The following APOO variants were observed in gnomAD, a reference collection of about 807,000 sequenced individuals.
APOO encodes the protein apolipoprotein O, also known as MICOS complex subunit MIC26.
A neutral mutation model predicts 23.1 loss-of-function variants in APOO; 11 were observed. The observed-to-expected ratio is 0.48, with a 90% CI of 0.30 to 0.79. The LOEUF (loss-of-function observed/expected upper bound fraction) is 0.79. Ranked by LOEUF, APOO falls within the 30% of genes least tolerant of loss-of-function variation. The pLI, the probability that APOO is intolerant of heterozygous loss-of-function variation, is 0.07. For synonymous variants in APOO, 59 were observed against 54.8 expected, an observed-to-expected ratio of 1.08 and a Z score of -0.34; for missense variants, 160 against 142.7, an observed-to-expected ratio of 1.12 and a Z score of -0.62.
rs1215035022 is a variant in APOO at position 23,893,527 on chromosome X, T to G, written c.10-12575A>C. On this transcript the variant is annotated intron_variant, in intron 1 of 8. Coordinates refer to ENST00000379226, the MANE Select transcript of APOO (RefSeq NM_024122.5). ...AGAATACTCTCCTCCATAAGGAGCATTCAGGACAGTATCTACATTTTATAC... is the reference window on the plus strand; with the variant it reads ...AGAATACTCTCCTCCATAAGGAGCAGTCAGGACAGTATCTACATTTTATAC... 3.6e-5 allele frequency among the ~76,000 whole-genome samples: 4 copies of G among 111,823 alleles called. No individual in the cohort carries two copies. The East Asian group carries it at 1.1e-3, about 31-fold the overall frequency.
At chrX:23,868,132 T>C (rs1342409229) in intron 5 of APOO, among the ~76,000 whole-genome samples, 1 of 112,434 alleles carries the variant, frequency 8.9e-6, no homozygotes, top group East Asian at 2.8e-4. Flanking sequence ...AGTATAGTAA[T>C]ATTTTTAAGT....
At chrX:23,883,552 T>C (rs1181563747) in intron 1 of APOO, 2 of 111,376 alleles carry the variant, frequency 1.8e-5, no homozygotes, top group African/African-American at 6.5e-5. Flanking sequence ...CACCATTCAA[T>C]AAAACCTTGC....
In APOO at chrX:23,878,723, TTGCTA is replaced by T. The variant is rs1425780072; in HGVS notation, c.237+187_237+191del. Among the ~76,000 whole-genome samples, 703 of 100,939 alleles carry T rather than the reference TTGCTA, an allele frequency of 7.0e-3. 4 individuals carry two copies. The highest frequency in any genetic ancestry group is 0.022 in the African/African-American group (596 of 27,450). The allele number at this position is 100,939 out of a possible 115,157, so 87.7% of individuals were successfully genotyped here. On this transcript the variant is annotated intron_variant, in intron 3 of 8. Transcript: ENST00000379226. ...AATAGGTTTTATTCATTCTTGCTAC[TTGCTA>T]TTTTTTTTTTTTGCACCCATTAGCC...
chrX:23,903,788 C>T (rs1180658132), intron 1 of APOO, among the ~76,000 whole-genome samples: 2 of 111,598 alleles, frequency 1.8e-5, no homozygotes, highest in Non-Finnish European at 3.8e-5. Flanking sequence ...TCTGTTGAGT[C>T]GTACCATTCT....
At chrX:23,867,129 G>A (rs1310937123) in intron 5 of APOO, among the ~76,000 whole-genome samples, 4 of 109,927 alleles carry the variant, frequency 3.6e-5, no homozygotes, top group African/African-American at 1.0e-4. Flanking sequence ...GAAACGAAAC[G>A]AAACGAAACG....
At chrX:23,862,833 G>A (rs1925131733) in intron 5 of APOO, among the ~76,000 whole-genome samples, 1 of 84,026 alleles carries the variant, frequency 1.2e-5, no homozygotes, top group African/African-American at 4.4e-5. Flanking sequence ...AAGGAAGAAG[G>A]AGGGAAGGGA....
At chrX:23,862,681 G>T (rs1449094841) in intron 5 of APOO, among the ~76,000 whole-genome samples, 1 of 105,046 alleles carries the variant, frequency 9.5e-6, no homozygotes, top group Non-Finnish European at 1.9e-5. Context: ...GCTGAGATGG[G>T]AGGATTGCTT....
At chrX:23,867,446 C>T (rs1388319354) in intron 5 of APOO, among the ~76,000 whole-genome samples, 1 of 112,033 alleles carries the variant, frequency 8.9e-6, no homozygotes, top group Non-Finnish European at 1.9e-5. Flanking sequence ...CCCCCTTTGC[C>T]TTCCACCACG....
intron 1 of APOO, among the ~76,000 whole-genome samples, chrX:23,900,610 G>A (rs369495002): frequency 9.4e-5 from 10 of 106,894 alleles, no homozygotes; most frequent in African/African-American, 3.1e-4. Context: ...AGGAGGCGGA[G>A]GGTGCGGAGA....
At chrX:23,872,539 AT>A (rs1389909559) in intron 4 of APOO, among the ~76,000 whole-genome samples, 31 of 104,860 alleles carry the variant, frequency 3.0e-4, no homozygotes, top group African/African-American at 1.0e-3. Flanking sequence ...ATATATATAT[AT>A]ATATAAAATT....
intron 4 of APOO, among the ~76,000 whole-genome samples, chrX:23,872,814 G>C (rs992551993): frequency 2.7e-5 from 3 of 110,564 alleles, no homozygotes; most frequent in African/African-American, 9.9e-5. Flanking sequence ...ACTTTGGGGG[G>C]CTGAGGTGGG....
At chrX:23,862,284 G>GA (rs767708892) in intron 5 of APOO, among the ~76,000 whole-genome samples, 1 of 110,033 alleles carries the variant, frequency 9.1e-6, no homozygotes, top group South Asian at 3.8e-4. Context: ...TACATTAAAA[G>GA]AAAAAAATAA....
At chrX:23,900,227 G>A (rs947111585) in intron 1 of APOO, among the ~76,000 whole-genome samples, 1 of 112,134 alleles carries the variant, frequency 8.9e-6, no homozygotes, top group African/African-American at 3.2e-5. Flanking sequence ...TGATACAAGA[G>A]GAACAGAAAA....
intron 7 of APOO, among the ~76,000 whole-genome samples, chrX:23,843,776 G>A (rs1375724089): frequency 3.6e-5 from 4 of 109,783 alleles, no homozygotes; most frequent in African/African-American, 1.3e-4. Flanking sequence ...TGAAGACAGG[G>A]TTTCACCATG....
At chrX:23,872,036 T>C (rs976965224) in intron 4 of APOO, among the ~76,000 whole-genome samples, 1 of 111,699 alleles carries the variant, frequency 9.0e-6, no homozygotes, top group East Asian at 2.8e-4. Context: ...TCTGGGTCAT[T>C]TGAGGCAATT....
intron 7 of APOO, among the ~76,000 whole-genome samples, chrX:23,841,412 T>C (rs1923965550): frequency 9.6e-6 from 1 of 104,642 alleles, no homozygotes. Flanking sequence ...CCCAGCACTT[T>C]GGGAGGCCGA....
At chrX:23,895,626 C>T (rs1016292627) in intron 1 of APOO, among the ~76,000 whole-genome samples, 2 of 110,565 alleles carry the variant, frequency 1.8e-5, no homozygotes, top group African/African-American at 6.6e-5. Flanking sequence ...CTTCATGTTC[C>T]GCACATGTAT....
intron 1 of APOO, among the ~76,000 whole-genome samples, chrX:23,890,813 T>C (rs141636748): frequency 2.8e-3 from 318 of 111,990 alleles, no homozygotes; most frequent in African/African-American, 9.9e-3. Context: ...CAACTTATGA[T>C]AGGTTTATCA....
At chrX:23,838,440 G>A (rs750643250) in intron 8 of APOO, among the ~76,000 whole-genome samples, 4 of 106,163 alleles carry the variant, frequency 3.8e-5, no homozygotes, top group African/African-American at 1.4e-4. Flanking sequence ...TTTTGAGACA[G>A]AGTTTCACTC....
Sources: allele counts gnomAD v4.1 joint callset (sites outside exome capture counted in the v4.1 genomes callset), GRCh38; gene constraint gnomAD v4.1.1; transcripts MANE v1.5; gene names NCBI Gene and HGNC (gene_info 2026-07-23, HGNC 2026-07-21).